STX16: variants seen among roughly 807,000 people sequenced by gnomAD.
STX16 encodes syntaxin-16.
In STX16, 28 loss-of-function variants were observed where a neutral mutation model predicts 42.7. The observed-to-expected ratio is 0.66, with a 90% CI of 0.49 to 0.90. STX16 has a LOEUF of 0.90. Among genes scored for constraint, STX16 ranks in the 40% least tolerant of loss-of-function variants. STX16 has a pLI of 0.00. For synonymous variants in STX16, 156 were observed against 155.2 expected (o/e 1.00, Z -0.04); for missense variants, 361 against 420.9 (o/e 0.86, Z 1.24).
At chr20:58,671,477 T>TG (rs2083976131) in intron 7 of STX16, among the ~76,000 whole-genome samples, 180 bp downstream of exon 7, 4 of 147,860 alleles carry the variant, frequency 2.7e-5, no homozygotes, top group South Asian at 4.3e-4. Flanking sequence ...TGTGTGTATA[T>TG]TAATATTAAT....
intron 1 of STX16, among the ~76,000 whole-genome samples, chr20:58,655,983 C>T (rs2083577024): frequency 6.6e-6 from 1 of 152,170 alleles, no homozygotes; most frequent in Non-Finnish European, 1.5e-5. Flanking sequence ...ACTTTGGCCT[C>T]AGTTTTGAGT....
At chr20:58,668,354 G>C (rs537877231) in intron 4 of STX16, among the ~76,000 whole-genome samples, 1 of 152,256 alleles carries the variant, frequency 6.6e-6, no homozygotes, top group African/African-American at 2.4e-5. Flanking sequence ...GCTGTGGACG[G>C]ATTAAGTAAA....
rs2084127951 is a variant in STX16 at position 58,676,410 on chromosome 20, C to T, written c.*119C>T. ...CTCGAGGAATCTGAGGGCGTCGGGG[C>T]AGCGAACCTTTGCATCCACGGACTC... On this transcript the variant is annotated 3_prime_UTR_variant, in exon 9 of 9. Coordinates refer to ENST00000371141, the MANE Select transcript of STX16 (RefSeq NM_001001433.3). 1.2e-6 allele frequency: 1 copy of T among 862,596 alleles called. No individual in the cohort carries two copies. Among genetic ancestry groups the T allele is most frequent in the East Asian group, 2.5e-5 (1 of 40,506 alleles). The allele number at this position is 862,596 out of a possible 1,614,324, so 53.4% of individuals were successfully genotyped here. A position where few individuals can be genotyped will look rare whatever the true frequency, so the allele number is the denominator to read the frequency against.
In STX16 at chr20:58,670,608, G is replaced by A. The variant is rs373073880; in HGVS notation, c.648+5G>A. ...GATAACACTCTTTACCATCGGGTAC[G>A]TGAACGGGCTGCAAAGCTGATTGCT... On this transcript the variant is annotated splice_donor_5th_base_variant and intron_variant, in intron 6 of 8. Coordinates refer to ENST00000371141, the MANE Select transcript of STX16 (RefSeq NM_001001433.3). 19 of 1,612,746 alleles carry A rather than the reference G, an allele frequency of 1.2e-5. No homozygotes were observed. Among genetic ancestry groups the A allele is most frequent in the Admixed American group, 1.0e-4 (6 of 59,984 alleles).
At position 58,675,143 on chromosome 20, in the gene STX16, CT is replaced by C. The variant is rs530948820; in HGVS notation, c.874-1043del. Among the ~76,000 whole-genome samples the C allele has an allele frequency of 4.0e-3, 602 of 152,202 alleles. 6 individuals are homozygous for C. Among genetic ancestry groups the C allele is most frequent in the African/African-American group, 0.014 (570 of 41,528 alleles). On this transcript the variant is annotated intron_variant, in intron 8 of 8. Transcript: ENST00000371141. ...TCTAAGGGTGATTGAGCGTCGGGAG[CT>C]GCTCCCCATGACCGGACTCTCGGTG...
intron 4 of STX16, 107 bp from the exon 5 acceptor site, chr20:58,669,184 C>CT: frequency 8.4e-7 from 1 of 1,186,458 alleles, no homozygotes; most frequent in Non-Finnish European, 1.2e-6. Context: ...CTAAACCAGA[C>CT]TGAGTGAACA....
chr20:58,671,391 C>G (rs2083964677), intron 7 of STX16, 94 bp downstream of exon 7: 2 of 1,268,218 alleles, frequency 1.6e-6, no homozygotes, highest in Admixed American at 2.2e-5. Context: ...AAAATTGGAG[C>G]CAATTTTCCC....
rs149545953 is a variant in STX16, at chr20:58,656,514, C to T, written c.133-3109C>T. On this transcript the variant is annotated intron_variant, in intron 1 of 8. Transcript: ENST00000371141. Reference sequence around the variant, plus strand: ...AATGAAAGGTAGATATTGAGATGCTCTTCTGATCTGATGAAATTCTGTATG... The same window carrying T: ...AATGAAAGGTAGATATTGAGATGCTTTTCTGATCTGATGAAATTCTGTATG... 5.3e-5 allele frequency among the ~76,000 whole-genome samples: 8 copies of T among 152,364 alleles called. No homozygotes were observed. In the East Asian group the frequency reaches 1.5e-3, roughly 29 times the overall value.
At chr20:58,662,716 C>T (rs139367960) in intron 2 of STX16, among the ~76,000 whole-genome samples, 71 of 152,072 alleles carry the variant, frequency 4.7e-4, no homozygotes, top group Non-Finnish European at 3.5e-4. Flanking sequence ...TTAGTAGAGA[C>T]GGAGTTTTGA....
At position 58,675,725 on chromosome 20, in the gene STX16, G is replaced by A. The variant is rs1038108444; in HGVS notation, c.874-462G>A. On this transcript the variant is annotated intron_variant, in intron 8 of 8. Coordinates refer to ENST00000371141, the MANE Select transcript of STX16 (RefSeq NM_001001433.3). ...GGGAGGTCGAAATGGGGCCTCTTCC[G>A]GGTGTCTGTTGCCTACCTGCCAGGT... 3.3e-5 allele frequency among the ~76,000 whole-genome samples: 5 copies of A among 152,118 alleles called. No homozygotes were observed. The East Asian group carries it at 7.7e-4, about 23-fold the overall frequency.
intron 5 of STX16, 143 bp from the exon 6 acceptor site, chr20:58,670,369 A>T: frequency 1.6e-6 from 1 of 623,482 alleles, no homozygotes; most frequent in Admixed American, 2.6e-5. Context: ...CTCCACCCCC[A>T]TTGGAGATAG....
intron 4 of STX16, 134 bp downstream of exon 4, chr20:58,668,261 C>A: frequency 8.8e-7 from 1 of 1,135,372 alleles, no homozygotes; most frequent in Non-Finnish European, 1.2e-6. Flanking sequence ...CTCAAGAGGC[C>A]CTGAAGTCCT....
intron 2 of STX16, among the ~76,000 whole-genome samples, chr20:58,660,379 A>AGGG (rs2083671108): frequency 6.6e-6 from 1 of 152,150 alleles, no homozygotes; most frequent in Non-Finnish European, 1.5e-5. Context: ...TGGAGAGGTG[A>AGGG]GGGTTGTTCT....
intron 5 of STX16, 88 bp downstream of exon 5, chr20:58,669,541 C>A: frequency 1.4e-6 from 2 of 1,418,696 alleles, no homozygotes; most frequent in Non-Finnish European, 9.5e-7. Flanking sequence ...TCATTTAGTC[C>A]AGTACCTTTC....
intron 1 of STX16, among the ~76,000 whole-genome samples, chr20:58,653,343 C>G (rs1040377500): frequency 6.6e-6 from 1 of 152,100 alleles, no homozygotes; most frequent in Non-Finnish European, 1.5e-5. Context: ...ACAGTTTCTC[C>G]TTTTTGTAAG....
chr20:58,658,569 A>G (rs2083629217), intron 1 of STX16, among the ~76,000 whole-genome samples: 1 of 152,206 alleles, frequency 6.6e-6, no homozygotes, highest in African/African-American at 2.4e-5. Flanking sequence ...ACCCTGATAG[A>G]GCAGCTTCAT....
chr20:58,663,376 T>C (rs1382194085), intron 2 of STX16, among the ~76,000 whole-genome samples: 2 of 152,250 alleles, frequency 1.3e-5, no homozygotes, highest in African/African-American at 4.8e-5. Flanking sequence ...GGAGAACTTG[T>C]CCATACTGGC....
At chr20:58,671,464 GT>G (rs1568827791) in intron 7 of STX16, among the ~76,000 whole-genome samples, 167 bp downstream of exon 7, 1 of 116,912 alleles carries the variant, frequency 8.6e-6, no homozygotes, top group Non-Finnish European at 1.8e-5. Flanking sequence ...GTGTGTGTGT[GT>G]GTGTGTGTAT....
intron 1 of STX16, among the ~76,000 whole-genome samples, chr20:58,658,839 C>A (rs1248883039): frequency 6.6e-6 from 1 of 152,168 alleles, no homozygotes; most frequent in Non-Finnish European, 1.5e-5. Flanking sequence ...CCTTCCCCCT[C>A]CCCTTAAAAG....
Sources: allele counts gnomAD v4.1 joint callset (sites outside exome capture counted in the v4.1 genomes callset), GRCh38; gene constraint gnomAD v4.1.1; transcripts MANE v1.5; gene names NCBI Gene and HGNC (gene_info 2026-07-23, HGNC 2026-07-21).